The following FGF18 variants were observed in gnomAD, a reference collection of about 807,000 sequenced individuals.
FGF18 encodes the protein fibroblast growth factor 18.
Under a neutral mutation model 23.0 loss-of-function variants are expected in FGF18, and 5 were observed. The observed-to-expected ratio is 0.22, with a 90% CI of 0.11 to 0.46. The LOEUF is 0.46. Ranked by LOEUF, FGF18 falls within the 20% of genes least tolerant of loss-of-function variation. The probability of loss-of-function intolerance (pLI) is 0.99; values close to 1 mark genes in which losing one functional copy is unlikely to be tolerated. For missense variants in FGF18, 180 were observed against 291.6 expected, an observed-to-expected ratio of 0.62 and a Z score of 2.79; for synonymous variants, 117 against 118.9, an observed-to-expected ratio of 0.98 and a Z score of 0.10.
intron 2 of FGF18, among the ~76,000 whole-genome samples, chr5:171,432,400 C>CTTAT (rs1772193944): frequency 1.3e-5 from 2 of 151,808 alleles, no homozygotes; most frequent in South Asian, 4.1e-4. Context: ...ATTATATTTA[C>CTTAT]TTATTTATTC....
chr5:171,428,136 G>T (rs1772124813), intron 2 of FGF18, among the ~76,000 whole-genome samples: 1 of 152,198 alleles, frequency 6.6e-6, no homozygotes, highest in Non-Finnish European at 1.5e-5. Flanking sequence ...TTGTCCACCA[G>T]CCCACGGGTT....
chr5:171,439,415 T>G (rs1772301367), intron 3 of FGF18, among the ~76,000 whole-genome samples: 1 of 152,130 alleles, frequency 6.6e-6, no homozygotes, highest in African/African-American at 2.4e-5. Context: ...CTTAGGTAGT[T>G]GAATACCTGG....
intron 2 of FGF18, among the ~76,000 whole-genome samples, chr5:171,430,555 G>C (rs1454408783): frequency 6.9e-6 from 1 of 144,262 alleles, no homozygotes; most frequent in Non-Finnish European, 1.5e-5. Context: ...TTGGGAGGCC[G>C]AGGCGGGTGG....
chr5:171,439,292 C>CA, intron 3 of FGF18, among the ~76,000 whole-genome samples: 1 of 152,294 alleles, frequency 6.6e-6, no homozygotes, highest in South Asian at 2.1e-4. Flanking sequence ...AAAGCTCTCC[C>CA]AGTACTGAAA....
intron 2 of FGF18, among the ~76,000 whole-genome samples, chr5:171,421,255 G>A (rs942680727): frequency 2.0e-5 from 3 of 152,164 alleles, no homozygotes; most frequent in Non-Finnish European, 2.9e-5. Flanking sequence ...TTGGGGGGAG[G>A]GAGAGAGAAG....
intron 2 of FGF18, among the ~76,000 whole-genome samples, chr5:171,421,190 C>G (rs939764283): frequency 2.6e-5 from 4 of 152,036 alleles, no homozygotes; most frequent in African/African-American, 7.2e-5. Flanking sequence ...GGTCTTGGCA[C>G]GCAGACAGTT....
At chr5:171,422,881 A>T (rs1401605374) in intron 2 of FGF18, among the ~76,000 whole-genome samples, 2 of 152,172 alleles carry the variant, frequency 1.3e-5, no homozygotes, top group Admixed American at 1.3e-4. Context: ...GTGGATCCCC[A>T]GAGTCTTAGC....
chr5:171,443,639 C>G lies in FGF18; in HGVS notation c.251-5508C>G, dbSNP rs145358900. 1.6e-3 allele frequency among the ~76,000 whole-genome samples: 237 copies of G among 151,418 alleles called. 1 individual carries two copies. Among genetic ancestry groups the G allele is most frequent in the African/African-American group, 5.0e-3 (208 of 41,312 alleles). On this transcript the variant is annotated intron_variant, in intron 3 of 4. Coordinates refer to ENST00000274625, the MANE Select transcript of FGF18 (RefSeq NM_003862.3). ...TGCTGGGATTACAGGCGTGAGCCAC[C>G]GCGCCTGGCCTGTTATCATCATTCT...
chr5:171,421,601 G>A (rs1772007508), intron 2 of FGF18, among the ~76,000 whole-genome samples: 3 of 152,210 alleles, frequency 2.0e-5, no homozygotes, highest in Admixed American at 6.5e-5. Context: ...AGTGTTGTGT[G>A]CCTTGAGCAC....
chr5:171,423,931 A>G (rs1772056962), intron 2 of FGF18, among the ~76,000 whole-genome samples: 2 of 151,694 alleles, frequency 1.3e-5, no homozygotes, highest in South Asian at 4.2e-4. Flanking sequence ...TGCTGGGCTA[A>G]TTTTTGTATT....
At chr5:171,425,642 T>A (rs1433945695) in intron 2 of FGF18, among the ~76,000 whole-genome samples, 1 of 151,180 alleles carries the variant, frequency 6.6e-6, no homozygotes, top group Non-Finnish European at 1.5e-5. Context: ...GCCATTCTCC[T>A]GCTTCAGCCT....
chr5:171,424,343 A>G (rs1190941368), intron 2 of FGF18, among the ~76,000 whole-genome samples: 1 of 152,224 alleles, frequency 6.6e-6, no homozygotes, highest in African/African-American at 2.4e-5. Flanking sequence ...AGTGATTTGC[A>G]TGAAGGAAAA....
At chr5:171,435,040 A>G (rs752962060) in intron 2 of FGF18, among the ~76,000 whole-genome samples, 2 of 152,204 alleles carry the variant, frequency 1.3e-5, no homozygotes, top group Non-Finnish European at 2.9e-5. Context: ...GCATCAAAGC[A>G]GAGGGAAGAA....
intron 3 of FGF18, among the ~76,000 whole-genome samples, chr5:171,439,795 G>C (rs1359644130): frequency 1.3e-5 from 2 of 152,168 alleles, no homozygotes; most frequent in Non-Finnish European, 2.9e-5. Context: ...CTAGCATCGG[G>C]GGGTTTCCGG....
Position 171,456,672 on chromosome 5 carries a change from A to G in FGF18, c.491A>G (p.Lys164Arg). Reference protein sequence around the residue: ...TKKGRPRKGPKTRENQQDVHF... With the variant: ...TKKGRPRKGPRTRENQQDVHF... ...AAGGGGCGGCCGCGGAAGGGCCCCAAGACCCGGGAGAACCAGCAGGACGTG... is the reference window on the plus strand; with the variant it reads ...AAGGGGCGGCCGCGGAAGGGCCCCAGGACCCGGGAGAACCAGCAGGACGTG... The change falls in exon 5 of 5, where the codon AAG becomes AGG. Residue 164 changes from lysine to arginine, a missense_variant. Lys to Arg is a conservative substitution (Grantham distance 26). Around this residue, in one of 3 missense-constraint regions of FGF18, gnomAD observed 83 missense variants for 190.4 expected, o/e 0.44. Transcript: ENST00000274625. The surrounding 1 kb of genome is among the most constrained non-coding windows in gnomAD (Gnocchi z 6.1). The G allele has an allele frequency of 6.2e-7, 1 of 1,614,004 alleles. No homozygotes were observed. The highest frequency in any genetic ancestry group is 8.5e-7 in the Non-Finnish European group (1 of 1,179,978).
chr5:171,421,644 C>T (rs1261015049), intron 2 of FGF18, among the ~76,000 whole-genome samples: 2 of 152,098 alleles, frequency 1.3e-5, no homozygotes, highest in Non-Finnish European at 2.9e-5. Flanking sequence ...CAGTGTTTGG[C>T]GGTGGTGGGC....
Position 171,440,551 on chromosome 5 carries a change from G to C in FGF18, c.250+4278G>C, listed in dbSNP as rs1450768244. ...GACATGCCTCGTCCCAGCCATCAAAGAGCCTTCAGTCTAGGGCCCCCATTC... is the reference window on the plus strand; with the variant it reads ...GACATGCCTCGTCCCAGCCATCAAACAGCCTTCAGTCTAGGGCCCCCATTC... On this transcript the variant is annotated intron_variant, in intron 3 of 4. Coordinates refer to ENST00000274625, the MANE Select transcript of FGF18 (RefSeq NM_003862.3). The surrounding 1 kb of genome is among the most constrained non-coding windows in gnomAD (Gnocchi z 4.0). 6.6e-6 allele frequency among the ~76,000 whole-genome samples: 1 copy of C among 152,130 alleles called. No individual in the cohort carries two copies. The highest frequency in any genetic ancestry group is 2.4e-5 in the African/African-American group (1 of 41,424).
At chr5:171,447,423 A>G (rs2113358355) in intron 3 of FGF18, among the ~76,000 whole-genome samples, 1 of 152,362 alleles carries the variant, frequency 6.6e-6, no homozygotes, top group South Asian at 2.1e-4. Context: ...AAGGAGGATC[A>G]AGGGCTTGTG....
chr5:171,420,300 C>G, intron 1 of FGF18, 69 bp downstream of exon 1: 5 of 1,607,774 alleles, frequency 3.1e-6, no homozygotes, highest in Non-Finnish European at 4.3e-6. Context: ...CCCTGTACCT[C>G]TGTCTGCCCG....
Sources: allele counts gnomAD v4.1 joint callset (sites outside exome capture counted in the v4.1 genomes callset), GRCh38; gene constraint gnomAD v4.1.1; regional missense constraint gnomAD v4.1.1; non-coding constraint Gnocchi (gnomAD v3.1); transcripts MANE v1.5; gene names NCBI Gene and HGNC (gene_info 2026-07-23, HGNC 2026-07-21).